The following KHDC4 variants were observed in gnomAD, a reference collection of about 807,000 sequenced individuals.
KHDC4 encodes KH domain containing 4, pre-mRNA splicing factor.
A neutral mutation model predicts 74.5 loss-of-function variants in KHDC4; 19 were observed. The ratio of observed to expected loss-of-function variants is 0.26; its 90% CI spans 0.18 to 0.37. The LOEUF (loss-of-function observed/expected upper bound fraction) is 0.37, where lower values mean the gene tolerates loss of function less well. KHDC4 is among the 10% of genes least tolerant of loss of function. KHDC4 has a pLI of 1.00. For synonymous variants in KHDC4, 253 were observed against 266.1 expected (o/e 0.95, Z 0.48); for missense variants, 632 against 754.1 (o/e 0.84, Z 1.90).
At chr1:155,923,955 A>G (rs1673924523) in intron 7 of KHDC4, among the ~76,000 whole-genome samples, 1 of 152,244 alleles carries the variant, frequency 6.6e-6, no homozygotes, top group African/African-American at 2.4e-5. Flanking sequence ...AAATTACTAT[A>G]AAACGTATTA....
chr1:155,915,878 C>A lies in KHDC4; in HGVS notation c.1640G>T (p.Ser547Ile). 1 of 1,591,012 alleles carries A rather than the reference C, an allele frequency of 6.3e-7. No homozygotes were observed. The highest frequency in any genetic ancestry group is 8.6e-7 in the Non-Finnish European group (1 of 1,166,212). ...ERNGSGTLTG[S>I]HDYPAKKMKT... ...CCCAGCTATATCACACTCACCATGGCTCCCTGTTAAGGTCCCAGACCCATT... is the reference window on the plus strand; with the variant it reads ...CCCAGCTATATCACACTCACCATGGATCCCTGTTAAGGTCCCAGACCCATT... Residue 547 changes from serine (S) to isoleucine (I), a missense_variant, in exon 13 of 14, where the codon AGC (serine) becomes ATC (isoleucine). Coordinates refer to ENST00000368321, the MANE Select transcript of KHDC4 (RefSeq NM_014949.4).
chr1:155,915,741 A>C (rs546727515), intron 13 of KHDC4, 132 bp downstream of exon 13: 186 of 587,024 alleles, frequency 3.2e-4, no homozygotes, highest in African/African-American at 3.2e-3. Context: ...TCCTGACCTT[A>C]GGTGATCTGC....
chr1:155,922,239 C>T (rs554560854), intron 8 of KHDC4, among the ~76,000 whole-genome samples: 5 of 150,374 alleles, frequency 3.3e-5, no homozygotes, highest in Admixed American at 1.3e-4. Flanking sequence ...TCCACCTTCA[C>T]GGTTTAAGCG....
intron 10 of KHDC4, among the ~76,000 whole-genome samples, chr1:155,921,086 T>C (rs553818703): frequency 6.6e-6 from 1 of 152,174 alleles, no homozygotes; most frequent in Non-Finnish European, 1.5e-5. Flanking sequence ...GTATGGCCCT[T>C]AAAGCCTAAA....
chr1:155,930,574 G>A (rs1056749703), intron 2 of KHDC4, among the ~76,000 whole-genome samples: 3 of 152,154 alleles, frequency 2.0e-5, no homozygotes, highest in Non-Finnish European at 4.4e-5. Context: ...ATAGAAGGTA[G>A]AGGAGCAATG....
intron 11 of KHDC4, 94 bp from the exon 12 acceptor site, chr1:155,916,831 G>C: frequency 1.2e-6 from 1 of 811,916 alleles, no homozygotes. Flanking sequence ...TCATCTTTCT[G>C]ATAAGTTGTA....
At chr1:155,924,744 T>G (rs1171111373) in intron 7 of KHDC4, among the ~76,000 whole-genome samples, 1 of 151,710 alleles carries the variant, frequency 6.6e-6, no homozygotes, top group African/African-American at 2.4e-5. Flanking sequence ...TGGCTAATTT[T>G]TATACTTTTA....
chr1:155,927,207 A>C, intron 4 of KHDC4, 51 bp from the exon 5 acceptor site: 1 of 1,452,320 alleles, frequency 6.9e-7, no homozygotes, highest in Non-Finnish European at 9.7e-7. Context: ...AAACCAAAAA[A>C]GGAGTCAAAT....
At chr1:155,927,504 T>C (rs538567137) in intron 4 of KHDC4, among the ~76,000 whole-genome samples, 1 of 152,228 alleles carries the variant, frequency 6.6e-6, no homozygotes, top group African/African-American at 2.4e-5. Context: ...TGGTCTCGTC[T>C]ATCCAAATCA....
intron 10 of KHDC4, 142 bp downstream of exon 10, chr1:155,921,233 A>C: frequency 3.4e-6 from 3 of 885,574 alleles, no homozygotes; most frequent in Non-Finnish European, 5.3e-6. Flanking sequence ...ATATTCAGGT[A>C]GGTTGGTGGT....
chr1:155,933,579 C>T (rs887296652), intron 2 of KHDC4, 54 bp downstream of exon 2: 7 of 1,449,324 alleles, frequency 4.8e-6, no homozygotes, highest in East Asian at 2.5e-5. Context: ...CCACCGCGCC[C>T]GGCAAAACAA....
chr1:155,927,101 T>C lies in KHDC4; in HGVS notation c.517+3A>G, dbSNP rs1215284866. 6.2e-7 allele frequency: 1 copy of C among 1,613,442 alleles called. No individual in the cohort carries two copies. Among genetic ancestry groups the C allele is most frequent in the Non-Finnish European group, 8.5e-7 (1 of 1,179,500 alleles). Reference sequence around the variant, plus strand: ...TGCTACGTGAGCCAAAAACATTACTTACTGTCCACTAATTCCCGTGTCTGG... The same window carrying C: ...TGCTACGTGAGCCAAAAACATTACTCACTGTCCACTAATTCCCGTGTCTGG... On this transcript the variant is annotated splice_donor_region_variant and intron_variant, in intron 5 of 13. Coordinates refer to ENST00000368321, the MANE Select transcript of KHDC4 (RefSeq NM_014949.4).
chr1:155,931,477 G>A (rs943631076), intron 2 of KHDC4, among the ~76,000 whole-genome samples: 1 of 152,098 alleles, frequency 6.6e-6, no homozygotes, highest in East Asian at 1.9e-4. Context: ...GTCTGTAGTC[G>A]CAGCTACTTG....
chr1:155,927,810 A>G (rs1674039420), intron 4 of KHDC4, among the ~76,000 whole-genome samples: 1 of 99,582 alleles, frequency 1.0e-5, no homozygotes, highest in Non-Finnish European at 1.9e-5. Flanking sequence ...CTCCAAAAAA[A>G]AAAAAAAAAA....
At chr1:155,929,472 A>G in intron 3 of KHDC4, 97 bp from the exon 4 acceptor site, 1 of 1,156,568 alleles carries the variant, frequency 8.6e-7, no homozygotes, top group Admixed American at 2.0e-5. Flanking sequence ...CCAAGTAAAG[A>G]AGGAAAGAAT....
chr1:155,934,400 C>A lies in KHDC4; in HGVS notation c.-27G>T, dbSNP rs777878781. On this transcript the variant is annotated 5_prime_UTR_variant, in exon 1 of 14. Coordinates refer to ENST00000368321, the MANE Select transcript of KHDC4 (RefSeq NM_014949.4). ...GCGACCGCTTCTACTCAACCACCCG[C>A]CAACTATCCGACTACCACCTCTCGT... The A allele has an allele frequency of 3.1e-6, 5 of 1,610,990 alleles. No homozygotes were observed. The highest frequency in any genetic ancestry group is 3.4e-6 in the Non-Finnish European group (4 of 1,179,276).
chr1:155,929,883 A>AT, intron 2 of KHDC4, 43 bp from the exon 3 acceptor site: 1 of 1,361,406 alleles, frequency 7.3e-7, no homozygotes, highest in South Asian at 1.6e-5. Context: ...TTATGATGAG[A>AT]TAAAGTCTAT....
chr1:155,931,204 CT>C (rs1276068170), intron 2 of KHDC4, among the ~76,000 whole-genome samples: 1 of 147,440 alleles, frequency 6.8e-6, no homozygotes, highest in Non-Finnish European at 1.5e-5. Flanking sequence ...AGACTGTAGT[CT>C]CAGCTACTCA....
chr1:155,918,228 G>A (rs1342086653), intron 10 of KHDC4, among the ~76,000 whole-genome samples: 4 of 152,104 alleles, frequency 2.6e-5, no homozygotes, highest in East Asian at 3.8e-4. Flanking sequence ...ATGGTAATAC[G>A]TGTTTTGTTT....
Sources: gnomAD v4.1 joint callset for allele counts (sites outside exome capture counted in the v4.1 genomes callset) on GRCh38, gnomAD v4.1.1 for gene constraint, MANE v1.5 for transcripts, NCBI Gene and HGNC (gene_info 2026-07-23, HGNC 2026-07-21) for gene names.